COL25A1: variants seen among roughly 807,000 people sequenced by gnomAD.
COL25A1 encodes the protein collagen type XXV alpha 1 chain.
Under a neutral mutation model 128.4 loss-of-function variants are expected in COL25A1, and 103 were observed. The ratio of observed to expected loss-of-function variants is 0.80; its 90% CI spans 0.68 to 0.94. COL25A1 has a LOEUF of 0.94. Among genes scored for constraint, COL25A1 ranks in the 40% least tolerant of loss-of-function variants. COL25A1 has a pLI of 0.00. For missense variants in COL25A1, 745 were observed against 840.0 expected, an observed-to-expected ratio of 0.89 and a Z score of 1.40; for synonymous variants, 279 against 277.2, an observed-to-expected ratio of 1.01 and a Z score of -0.06.
At chr4:109,254,583 A>C (rs79536378) in intron 3 of COL25A1, among the ~76,000 whole-genome samples, 5,670 of 147,506 alleles carry the variant, frequency 0.038, 392 homozygotes, top group African/African-American at 0.14. Context: ...ATCTTCACCA[A>C]CCCTGGATTA....
At chr4:109,070,548 T>C (rs1020481052) in intron 3 of COL25A1, among the ~76,000 whole-genome samples, 2 of 152,136 alleles carry the variant, frequency 1.3e-5, no homozygotes, top group Non-Finnish European at 2.9e-5. Flanking sequence ...ATTTCTTTTT[T>C]TATTATACTT....
At chr4:109,150,652 T>A (rs1031602376) in intron 3 of COL25A1, among the ~76,000 whole-genome samples, 2 of 152,186 alleles carry the variant, frequency 1.3e-5, no homozygotes, top group Non-Finnish European at 2.9e-5. Context: ...CAACTTTTTC[T>A]ATGAGAATTA....
At chr4:108,972,060 T>C (rs548767349) in intron 8 of COL25A1, among the ~76,000 whole-genome samples, 13 of 152,166 alleles carry the variant, frequency 8.5e-5, no homozygotes, top group Non-Finnish European at 1.5e-4. Flanking sequence ...CACTGGACAC[T>C]TGGGGAGTCA....
chr4:109,139,006 CT>C (rs1390815258), intron 3 of COL25A1, among the ~76,000 whole-genome samples: 1 of 152,170 alleles, frequency 6.6e-6, no homozygotes, highest in African/African-American at 2.4e-5. Flanking sequence ...CACACCCAGC[CT>C]TTTCTAACTG....
intron 5 of COL25A1, among the ~76,000 whole-genome samples, chr4:109,044,761 G>A (rs925462582): frequency 1.3e-5 from 2 of 152,136 alleles, no homozygotes; most frequent in Non-Finnish European, 2.9e-5. Context: ...GGGCAACTGT[G>A]ATTAAGATGA....
At chr4:109,128,771 A>C (rs1768881560) in intron 3 of COL25A1, among the ~76,000 whole-genome samples, 1 of 152,142 alleles carries the variant, frequency 6.6e-6, no homozygotes, top group Non-Finnish European at 1.5e-5. Flanking sequence ...CTATCTAATC[A>C]CCAAAGTCTC....
In COL25A1 at chr4:108,809,723, A is replaced by G. The variant is rs1003370786; in HGVS notation, c.*4204T>C. ...CTGTGTCAATTTTATATTGGCAACA[A>G]ATCTAGCCAATATAAAGATATCCCA... On this transcript the variant is annotated 3_prime_UTR_variant, in exon 38 of 38. Coordinates refer to ENST00000399132, the MANE Select transcript of COL25A1 (RefSeq NM_198721.4). 6.6e-6 allele frequency: 1 copy of G among 152,070 alleles called. No homozygotes were observed. Among genetic ancestry groups the G allele is most frequent in the Non-Finnish European group, 1.5e-5 (1 of 67,912 alleles). The allele number at this position is 152,070 out of a possible 1,614,324, so 9.4% of individuals were successfully genotyped here.
chr4:109,218,359 T>TTTTTTTTTGTTTGTTTGTTTG (rs1778177406), intron 3 of COL25A1, among the ~76,000 whole-genome samples: 1 of 112,232 alleles, frequency 8.9e-6, no homozygotes, highest in African/African-American at 4.7e-5. Context: ...TTTTTGGGGT[T>TTTTTTTTTGTTTGTTTGTTTG]TTTTTTTTTT....
intron 3 of COL25A1, among the ~76,000 whole-genome samples, chr4:109,218,315 T>C (rs887283546): frequency 7.0e-6 from 1 of 143,506 alleles, no homozygotes; most frequent in Non-Finnish European, 1.5e-5. Flanking sequence ...AAAGTGTTAC[T>C]AAATACTAAA....
chr4:109,163,250 G>A (rs1772749824), intron 3 of COL25A1, among the ~76,000 whole-genome samples: 1 of 152,194 alleles, frequency 6.6e-6, no homozygotes, highest in African/African-American at 2.4e-5. Flanking sequence ...AGTACTTAGT[G>A]TGTTGATTTT....
chr4:108,821,075 T>G (rs1731727110), intron 35 of COL25A1, among the ~76,000 whole-genome samples: 1 of 152,166 alleles, frequency 6.6e-6, no homozygotes, highest in Admixed American at 6.5e-5. Context: ...GAATAATGTC[T>G]GAAGCAAAGC....
chr4:109,212,070 G>A (rs1777607250), intron 3 of COL25A1, among the ~76,000 whole-genome samples: 1 of 152,064 alleles, frequency 6.6e-6, no homozygotes, highest in Non-Finnish European at 1.5e-5. Context: ...ATGACTCATA[G>A]AAGGGCATTA....
chr4:109,210,470 T>TGG (rs1777407594), intron 3 of COL25A1, among the ~76,000 whole-genome samples: 1 of 152,178 alleles, frequency 6.6e-6, no homozygotes, highest in Non-Finnish European at 1.5e-5. Context: ...ACCTGTAAGA[T>TGG]ACCTTCCAAG....
intron 8 of COL25A1, among the ~76,000 whole-genome samples, chr4:108,964,184 A>G (rs1751050460): frequency 6.6e-6 from 1 of 151,368 alleles, no homozygotes; most frequent in Non-Finnish European, 1.5e-5. Flanking sequence ...TATGAAGGTC[A>G]CTGTACTCAA....
rs72883453 is a variant in COL25A1, at chr4:109,060,900, T to C, written c.368-10721A>G. ...ACTGTCCCTTTGTTTTCAATCCCAATGCTGATGCTATAGTTTGGGTCCATA... is the reference window on the plus strand; with the variant it reads ...ACTGTCCCTTTGTTTTCAATCCCAACGCTGATGCTATAGTTTGGGTCCATA... On this transcript the variant is annotated intron_variant, in intron 3 of 37. Transcript: ENST00000399132. Among the ~76,000 whole-genome samples, 277 of 152,318 alleles carry C rather than the reference T, an allele frequency of 1.8e-3. 2 individuals carry two copies. The highest frequency in any genetic ancestry group is 6.4e-3 in the African/African-American group (266 of 41,572).
chr4:108,855,528 G>A (rs1736387302), intron 24 of COL25A1, among the ~76,000 whole-genome samples: 1 of 151,980 alleles, frequency 6.6e-6, no homozygotes, highest in Non-Finnish European at 1.5e-5. Flanking sequence ...AAAAAGGAAA[G>A]GGATTTTCAA....
At chr4:109,151,635 C>G (rs557453371) in intron 3 of COL25A1, among the ~76,000 whole-genome samples, 33 of 152,134 alleles carry the variant, frequency 2.2e-4, no homozygotes, top group African/African-American at 7.5e-4. Flanking sequence ...CCTAGGAATC[C>G]TAGAAATATT....
In COL25A1 at chr4:109,006,378, A is replaced by ATTTTTTTTTTTTTT. The variant is rs56845799; in HGVS notation, c.438+3966_438+3979dup. On this transcript the variant is annotated intron_variant, in intron 6 of 37. Transcript: ENST00000399132. ...AGGTGTGCACTGCCACACCCAGCTAATTTTTTTTTTTTTTTTTTTTTTTTT... is the reference window on the plus strand; with the variant it reads ...AGGTGTGCACTGCCACACCCAGCTAATTTTTTTTTTTTTTTTTTTTTTTTTTTTTTTTTTTTTTT... Among the ~76,000 whole-genome samples the ATTTTTTTTTTTTTT allele has an allele frequency of 1.9e-3, 100 of 51,872 alleles. 1 individual carries two copies. Among genetic ancestry groups the ATTTTTTTTTTTTTT allele is most frequent in the African/African-American group, 2.7e-3 (34 of 12,766 alleles). 34.0% of individuals were successfully genotyped at this position (51,872 alleles called of 152,430 possible).
At chr4:108,951,144 C>A (rs1749372568) in intron 8 of COL25A1, among the ~76,000 whole-genome samples, 1 of 152,036 alleles carries the variant, frequency 6.6e-6, no homozygotes, top group Non-Finnish European at 1.5e-5. Context: ...AGAGAAATGC[C>A]TGGAAAAATT....
Sources: allele counts gnomAD v4.1 joint callset (sites outside exome capture counted in the v4.1 genomes callset), GRCh38; gene constraint gnomAD v4.1.1; transcripts MANE v1.5; gene names NCBI Gene and HGNC (gene_info 2026-07-23, HGNC 2026-07-21).